Variants in RNLS observed in about 807,000 individuals in gnomAD.
RNLS encodes renalase, FAD dependent amine oxidase, also known as renalase.
In RNLS, 39 loss-of-function variants were observed where a neutral mutation model predicts 39.8. The observed-to-expected ratio is 0.98, with a 90% CI of 0.76 to 1.28. RNLS has a LOEUF of 1.28. Ranked by LOEUF, RNLS falls within the 50% of genes most tolerant of loss-of-function variation. RNLS has a pLI of 0.00. For synonymous variants in RNLS, 147 were observed against 150.7 expected, an observed-to-expected ratio of 0.98 and a Z score of 0.18; for missense variants, 410 against 413.3, an observed-to-expected ratio of 0.99 and a Z score of 0.07.
chr10:88,239,055 G>A, the RNLS span, among the ~76,000 whole-genome samples: 2 of 152,110 alleles, frequency 1.3e-5, no homozygotes, highest in East Asian at 3.9e-4. Flanking sequence ...TCTCCTGCTT[G>A]CTTTGCTGAA....
chr10:88,414,345 A>T (rs957655560), intron 4 of RNLS, among the ~76,000 whole-genome samples: 11 of 152,054 alleles, frequency 7.2e-5, no homozygotes, highest in African/African-American at 2.7e-4. Context: ...TGAGGCTGTT[A>T]TTTAAAGACT....
intron 5 of RNLS, among the ~76,000 whole-genome samples, chr10:88,333,876 A>G (rs893277123): frequency 5.9e-5 from 9 of 152,192 alleles, no homozygotes; most frequent in Non-Finnish European, 1.2e-4. Flanking sequence ...AGGATGCAGC[A>G]AGAAGTCGCC....
intron 5 of RNLS, among the ~76,000 whole-genome samples, chr10:88,318,269 T>G (rs1845915116): frequency 6.6e-6 from 1 of 152,228 alleles, no homozygotes; most frequent in Non-Finnish European, 1.5e-5. Flanking sequence ...ATCTCACCCT[T>G]GGTGGGCTGC....
downstream of RNLS, among the ~76,000 whole-genome samples, chr10:88,280,394 G>A (rs780244629): frequency 6.6e-6 from 1 of 152,116 alleles, no homozygotes; most frequent in African/African-American, 2.4e-5. Flanking sequence ...GATTTACAAC[G>A]TGGCATAGGA....
At chr10:88,527,153 G>A (rs1195020812) in intron 4 of RNLS, among the ~76,000 whole-genome samples, 1 of 152,004 alleles carries the variant, frequency 6.6e-6, no homozygotes, top group South Asian at 2.1e-4. Flanking sequence ...ACTTAACTAG[G>A]GAATTAAGTG....
the RNLS span, among the ~76,000 whole-genome samples, chr10:88,195,224 C>A: frequency 6.6e-6 from 1 of 152,184 alleles, no homozygotes; most frequent in East Asian, 1.9e-4. Flanking sequence ...TGCTCTTTGG[C>A]AAAAGAATAG....
intron 4 of RNLS, among the ~76,000 whole-genome samples, chr10:88,437,431 A>G (rs1441312552): frequency 2.0e-5 from 3 of 152,262 alleles, no homozygotes; most frequent in Non-Finnish European, 1.5e-5. Context: ...TATTTATCTT[A>G]TAATAAGAAT....
At chr10:88,400,606 T>C (rs1419296065) in intron 4 of RNLS, among the ~76,000 whole-genome samples, 2 of 152,038 alleles carry the variant, frequency 1.3e-5, no homozygotes, top group African/African-American at 2.4e-5. Context: ...GTTAATCTAC[T>C]AGACCATATT....
At chr10:88,321,453 A>G (rs1030732061) in intron 5 of RNLS, among the ~76,000 whole-genome samples, 2 of 152,364 alleles carry the variant, frequency 1.3e-5, no homozygotes, top group Middle Eastern at 3.4e-3. Context: ...AACAAAGATC[A>G]GAGCAGAATG....
Position 88,544,623 on chromosome 10 carries a change from G to A in RNLS, c.526+28280C>T, listed in dbSNP as rs58910018. Among the ~76,000 whole-genome samples, 1,380 of 152,238 alleles carry A rather than the reference G, an allele frequency of 9.1e-3. 21 individuals are homozygous for A. Among genetic ancestry groups the A allele is most frequent in the African/African-American group, 0.031 (1,299 of 41,530 alleles). On this transcript the variant is annotated intron_variant, in intron 4 of 6. Transcript: ENST00000331772. ...ATTCAGATAATCCAAAAATGACTTC[G>A]ACTTAAAATGTCAAGTGTGGCCTGT...
At chr10:88,339,240 CTT>C (rs1847755131) in intron 5 of RNLS, among the ~76,000 whole-genome samples, 1 of 152,132 alleles carries the variant, frequency 6.6e-6, no homozygotes, top group Non-Finnish European at 1.5e-5. Flanking sequence ...GTTATAATCT[CTT>C]CTTGAGCAAA....
intron 4 of RNLS, among the ~76,000 whole-genome samples, chr10:88,388,183 T>C (rs1428301293): frequency 6.6e-6 from 1 of 152,212 alleles, no homozygotes; most frequent in Non-Finnish European, 1.5e-5. Flanking sequence ...CATCTTTGTC[T>C]TAATTTTCTT....
downstream of RNLS, among the ~76,000 whole-genome samples, chr10:88,280,941 C>CA (rs752094486): frequency 2.0e-5 from 3 of 152,294 alleles, no homozygotes; most frequent in East Asian, 5.8e-4. Context: ...TTAACAACCC[C>CA]TTAGAGATTC....
chr10:88,263,657 G>C, the RNLS span, among the ~76,000 whole-genome samples: 1 of 152,032 alleles, frequency 6.6e-6, no homozygotes, highest in African/African-American at 2.4e-5. Context: ...GGGAAATAGG[G>C]GGGTATTGTT....
intron 4 of RNLS, among the ~76,000 whole-genome samples, chr10:88,433,330 G>C (rs1183053504): frequency 2.6e-5 from 4 of 152,046 alleles, no homozygotes; most frequent in Non-Finnish European, 5.9e-5. Context: ...AAGCAAGGCA[G>C]TGTGGTATAA....
At chr10:88,578,481 A>C (rs1850337178) in intron 3 of RNLS, among the ~76,000 whole-genome samples, 1 of 152,116 alleles carries the variant, frequency 6.6e-6, no homozygotes, top group Non-Finnish European at 1.5e-5. Context: ...ATAATTATAA[A>C]ATTAAAAATA....
chr10:88,564,336 C>T (rs1291589616), intron 4 of RNLS, among the ~76,000 whole-genome samples: 4 of 151,874 alleles, frequency 2.6e-5, no homozygotes, highest in Non-Finnish European at 4.4e-5. Flanking sequence ...CACACACACA[C>T]ACACACACAC....
chr10:88,363,874 C>T (rs1332901369), intron 4 of RNLS, among the ~76,000 whole-genome samples: 6 of 152,028 alleles, frequency 3.9e-5, no homozygotes, highest in Admixed American at 2.6e-4. Context: ...ATGCATTAGT[C>T]TGTTGTGAGG....
At chr10:88,315,067 A>C (rs1301063338) in intron 5 of RNLS, among the ~76,000 whole-genome samples, 1 of 152,222 alleles carries the variant, frequency 6.6e-6, no homozygotes, top group Non-Finnish European at 1.5e-5. Flanking sequence ...TGTCTCATTC[A>C]ATTAATGCTT....
Sources: gnomAD v4.1 joint callset for allele counts (sites outside exome capture counted in the v4.1 genomes callset) on GRCh38, gnomAD v4.1.1 for gene constraint, MANE v1.5 for transcripts, NCBI Gene and HGNC (gene_info 2026-07-23, HGNC 2026-07-21) for gene names.